The following VASP variants were observed in gnomAD, a reference collection of about 807,000 sequenced individuals.
VASP encodes the protein vasodilator stimulated phosphoprotein.
A neutral mutation model predicts 54.4 loss-of-function variants in VASP; 27 were observed. The observed-to-expected ratio is 0.50, with a 90% CI of 0.37 to 0.68. The LOEUF is 0.68. Among genes scored for constraint, VASP ranks in the 30% least tolerant of loss-of-function variants. The pLI, the probability that VASP is intolerant of heterozygous loss-of-function variation, is 0.00. For missense variants in VASP, 488 were observed against 528.3 expected, an observed-to-expected ratio of 0.92 and a Z score of 0.75; for synonymous variants, 233 against 209.8, an observed-to-expected ratio of 1.11 and a Z score of -0.96.
rs762611120 is a variant in VASP at position 45,517,613 on chromosome 19, A to T, written c.6-50A>T. 17 of 1,578,574 alleles carry T rather than the reference A, an allele frequency of 1.1e-5. No homozygotes were observed. In the Admixed American group the frequency reaches 2.9e-4, roughly 27 times the overall value. On this transcript the variant is annotated intron_variant, in intron 1 of 12. Coordinates refer to ENST00000245932, the MANE Select transcript of VASP (RefSeq NM_003370.4). ...TGTCCCTTGGAATCTCCCAGGAGAGACCCAGATAAGAAGGTGACCGGCCCC... is the reference window on the plus strand; with the variant it reads ...TGTCCCTTGGAATCTCCCAGGAGAGTCCCAGATAAGAAGGTGACCGGCCCC...
rs1202061142 is a variant in VASP, at chr19:45,522,670, G to A, written c.721-48G>A. On this transcript the variant is annotated intron_variant, in intron 6 of 12. Transcript: ENST00000245932. Reference sequence around the variant, plus strand: ...GCCGGCGGTGTCATTGGGCTGGAAGGCCAAAAGGCCTGCCCCTAAAGCTCC... The same window carrying A: ...GCCGGCGGTGTCATTGGGCTGGAAGACCAAAAGGCCTGCCCCTAAAGCTCC... 4 of 1,588,914 alleles carry A rather than the reference G, an allele frequency of 2.5e-6. No homozygotes were observed. The African/African-American group carries it at 5.5e-5, about 22-fold the overall frequency.
chr19:45,520,912 C>A (rs748185668), intron 3 of VASP, among the ~76,000 whole-genome samples: 3 of 152,152 alleles, frequency 2.0e-5, no homozygotes, highest in African/African-American at 7.2e-5. Flanking sequence ...TGTGGTGAGC[C>A]GTGATTGCAC....
chr19:45,522,900 T>G (rs1020620974), intron 7 of VASP, 82 bp downstream of exon 7: 1 of 1,379,858 alleles, frequency 7.2e-7, no homozygotes, highest in Non-Finnish European at 9.8e-7. Flanking sequence ...AATTCCTGTT[T>G]AGTTTGTTTC....
At chr19:45,519,445 C>T (rs1968777490) in intron 3 of VASP, among the ~76,000 whole-genome samples, 1 of 151,550 alleles carries the variant, frequency 6.6e-6, no homozygotes, top group East Asian at 1.9e-4. Flanking sequence ...TGTCTGGCCA[C>T]CTGGATCATT....
rs1416098698 is a variant in VASP at position 45,523,626 on chromosome 19, T to C, written c.822-18T>C. ...GTTGGGTGACGGAAGCACGTGTTTT[T>C]GCTTTTCTCTCCTGCAGAAGGAAAG... On this transcript the variant is annotated intron_variant, in intron 7 of 12. Coordinates refer to ENST00000245932, the MANE Select transcript of VASP (RefSeq NM_003370.4). 1.2e-6 allele frequency: 2 copies of C among 1,613,802 alleles called. No homozygotes were observed. Among genetic ancestry groups the C allele is most frequent in the Admixed American group, 1.7e-5 (1 of 59,924 alleles).
Position 45,523,189 on chromosome 19 carries a change from A to ATTTTTTTTTTTTTTTTTTTTT in VASP, c.821+371_821+372insTTTTTTTTTTTTTTTTTTTTT, listed in dbSNP as rs1568390471. Among the ~76,000 whole-genome samples, 5 of 106,970 alleles carry ATTTTTTTTTTTTTTTTTTTTT rather than the reference A, an allele frequency of 4.7e-5. 1 individual carries two copies. The highest frequency in any genetic ancestry group is 8.1e-5 in the African/African-American group (2 of 24,708). The allele number at this position is 106,970 out of a possible 152,430, so 70.2% of individuals were successfully genotyped here. Reference sequence around the variant, plus strand: ...CTGATTCTAGAACCACAATCTCTTGAATTTTTTTTTTTTTTTTTTTTTTTT... The same window carrying ATTTTTTTTTTTTTTTTTTTTT: ...CTGATTCTAGAACCACAATCTCTTGATTTTTTTTTTTTTTTTTTTTTATTTTTTTTTTTTTTTTTTTTTTTT... On this transcript the variant is annotated intron_variant, in intron 7 of 12. Coordinates refer to ENST00000245932, the MANE Select transcript of VASP (RefSeq NM_003370.4).
At chr19:45,515,421 G>A (rs1407342835) in intron 1 of VASP, among the ~76,000 whole-genome samples, 2 of 152,194 alleles carry the variant, frequency 1.3e-5, no homozygotes, top group Non-Finnish European at 2.9e-5. Context: ...CTCCCAGAGG[G>A]GCTGGTGGGA....
Position 45,507,837 on chromosome 19 carries a change from T to C in VASP, c.5+61T>C. ...GGGCGGGCTCCGCGCCCCGCCTTTG[T>C]CCCCCTCCCCCCCAGCTAGCTCCGG... On this transcript the variant is annotated intron_variant, in intron 1 of 12. Transcript: ENST00000245932. The surrounding 1 kb of genome is among the most constrained non-coding windows in gnomAD (Gnocchi z 4.4). The C allele has an allele frequency of 7.5e-6, 8 of 1,072,436 alleles. No individual in the cohort carries two copies. The highest frequency in any genetic ancestry group is 3.9e-5 in the South Asian group (2 of 50,934). The allele number at this position is 1,072,436 out of a possible 1,614,324, so 66.4% of individuals were successfully genotyped here.
At chr19:45,518,957 G>C (rs954971241) in intron 3 of VASP, among the ~76,000 whole-genome samples, 3 of 152,060 alleles carry the variant, frequency 2.0e-5, no homozygotes, top group African/African-American at 7.2e-5. Context: ...TCAGCCTCCT[G>C]AGTAGCTGGG....
intron 1 of VASP, among the ~76,000 whole-genome samples, chr19:45,509,517 C>CCCACCACCACCACCACCACCA (rs3038808): frequency 7.3e-5 from 11 of 150,982 alleles, no homozygotes; most frequent in African/African-American, 2.0e-4. Flanking sequence ...CCCTGTCCTC[C>CCCACCACCACCACCACCACCA]CCACCACCAC....
In VASP at chr19:45,507,782, C is replaced by A. The variant is rs531742109; in HGVS notation, c.5+6C>A. Reference sequence around the variant, plus strand: ...GCCCGCCGAGCAGCCATGAGGTGAGCCGGACCTGCCCCCCGACCCGTCCCC... The same window carrying A: ...GCCCGCCGAGCAGCCATGAGGTGAGACGGACCTGCCCCCCGACCCGTCCCC... On this transcript the variant is annotated splice_donor_region_variant and intron_variant, in intron 1 of 12. Transcript: ENST00000245932. The surrounding 1 kb of genome is among the most constrained non-coding windows in gnomAD (Gnocchi z 4.4). 1.4e-6 allele frequency: 2 copies of A among 1,469,284 alleles called. No homozygotes were observed. Among genetic ancestry groups the A allele is most frequent in the East Asian group, 2.9e-5 (1 of 34,652 alleles). 91.0% of individuals were successfully genotyped at this position (1,469,284 alleles called of 1,614,324 possible). A position where few individuals can be genotyped will look rare whatever the true frequency, so the allele number is the denominator to read the frequency against.
At chr19:45,523,932 T>G in intron 9 of VASP, 55 bp downstream of exon 9, 1 of 1,612,014 alleles carries the variant, frequency 6.2e-7, no homozygotes, top group Non-Finnish European at 8.5e-7. Context: ...AATACTCTGT[T>G]CTCACATGTT....
At chr19:45,522,930 T>C in intron 7 of VASP, 112 bp downstream of exon 7, 3 of 1,132,112 alleles carry the variant, frequency 2.6e-6, no homozygotes, top group African/African-American at 1.6e-5. Flanking sequence ...ATGTTCCCCC[T>C]TTGATAACCA....
chr19:45,524,543 T>C, intron 10 of VASP, 27 bp from the exon 11 acceptor site: 1 of 1,609,356 alleles, frequency 6.2e-7, no homozygotes. Flanking sequence ...ATCTCATTGC[T>C]GTCCCAAACC....
At chr19:45,513,843 C>A (rs757208551) in intron 1 of VASP, among the ~76,000 whole-genome samples, 1 of 152,146 alleles carries the variant, frequency 6.6e-6, no homozygotes, top group African/African-American at 2.4e-5. Context: ...GGATTACAGG[C>A]GTGAGCCACC....
Position 45,525,022 on chromosome 19 carries a change from A to G in VASP, c.1047+362A>G, listed in dbSNP as rs1015436733. ...CTCCAAGGATCCAGAATTCTCCCCT[A>G]GAATCCTCCAGTCACTCTGCGACCT... On this transcript the variant is annotated intron_variant, in intron 11 of 12. Transcript: ENST00000245932. 14 of 234,162 alleles carry G rather than the reference A, an allele frequency of 6.0e-5. No homozygotes were observed. The Middle Eastern group carries it at 8.6e-3, about 144-fold the overall frequency. The allele number at this position is 234,162 out of a possible 1,614,324, so 14.5% of individuals were successfully genotyped here. A position where few individuals can be genotyped will look rare whatever the true frequency, so the allele number is the denominator to read the frequency against.
chr19:45,507,754 C>G lies in VASP; in HGVS notation c.-18C>G. On this transcript the variant is annotated 5_prime_UTR_variant, in exon 1 of 13. Coordinates refer to ENST00000245932, the MANE Select transcript of VASP (RefSeq NM_003370.4). The surrounding 1 kb of genome is among the most constrained non-coding windows in gnomAD (Gnocchi z 4.4). ...GAGCAGCCAGCCCGTGGGCGAGCCGCCCGCCCGCCGAGCAGCCATGAGGTG... is the reference window on the plus strand; with the variant it reads ...GAGCAGCCAGCCCGTGGGCGAGCCGGCCGCCCGCCGAGCAGCCATGAGGTG... The G allele has an allele frequency of 6.6e-7, 1 of 1,510,618 alleles. No individual in the cohort carries two copies. The highest frequency in any genetic ancestry group is 8.8e-7 in the Non-Finnish European group (1 of 1,136,644). 93.6% of individuals were successfully genotyped at this position (1,510,618 alleles called of 1,614,324 possible). A position where few individuals can be genotyped will look rare whatever the true frequency, so the allele number is the denominator to read the frequency against.
intron 11 of VASP, 45 bp downstream of exon 11, chr19:45,524,705 G>A: frequency 6.3e-7 from 1 of 1,581,798 alleles, no homozygotes; most frequent in Non-Finnish European, 8.7e-7. Flanking sequence ...AGAGATCTAG[G>A]TCTGGCCCCT....
At chr19:45,518,727 C>G (rs536338091) in intron 3 of VASP, among the ~76,000 whole-genome samples, 1 of 152,206 alleles carries the variant, frequency 6.6e-6, no homozygotes, top group African/African-American at 2.4e-5. Flanking sequence ...TGCACTGGCA[C>G]AATCATGGCT....
Sources: allele counts gnomAD v4.1 joint callset (sites outside exome capture counted in the v4.1 genomes callset), GRCh38; gene constraint gnomAD v4.1.1; non-coding constraint Gnocchi (gnomAD v3.1); transcripts MANE v1.5; gene names NCBI Gene and HGNC (gene_info 2026-07-23, HGNC 2026-07-21).